Variants in FKBP9 observed in about 807,000 individuals in gnomAD.
FKBP9 encodes the protein peptidyl-prolyl cis-trans isomerase FKBP9.
In FKBP9, 27 loss-of-function variants were observed where a neutral mutation model predicts 55.6. That is an observed-to-expected ratio of 0.49 (90% confidence interval 0.36 to 0.67). The LOEUF is 0.67. FKBP9 is among the 30% of genes least tolerant of loss of function. The pLI is 0.00. For missense variants in FKBP9, 539 were observed against 742.8 expected (o/e 0.73, Z 3.19); for synonymous variants, 267 against 296.5 (o/e 0.90, Z 1.02).
chr7:32,982,182 G>A (rs1171980784), intron 5 of FKBP9, among the ~76,000 whole-genome samples: 1 of 151,734 alleles, frequency 6.6e-6, no homozygotes, highest in Non-Finnish European at 1.5e-5. Flanking sequence ...CACCACGCCT[G>A]GCTAATTTTT....
intron 5 of FKBP9, among the ~76,000 whole-genome samples, chr7:32,986,298 G>A (rs1166974738): frequency 2.6e-5 from 4 of 152,136 alleles, no homozygotes; most frequent in South Asian, 2.1e-4. Flanking sequence ...AGCAATCCCC[G>A]CTGTGGGTAC....
intron 5 of FKBP9, 128 bp downstream of exon 5, chr7:32,980,681 G>C (rs1261582120): frequency 6.4e-6 from 9 of 1,409,118 alleles, no homozygotes; most frequent in Middle Eastern, 2.1e-4. Flanking sequence ...TCTAATACAA[G>C]TTTCTGTTTT....
chr7:32,995,036 T>A (rs1784756896), intron 6 of FKBP9: 1 of 152,114 alleles, frequency 6.6e-6, no homozygotes, highest in Non-Finnish European at 1.5e-5. Context: ...AGTGGTGCAA[T>A]CCTAACTCAC....
In FKBP9 at chr7:32,968,078, G is replaced by T. The variant is rs1784181843; in HGVS notation, c.222-6539G>T. Among the ~76,000 whole-genome samples, 5 of 152,072 alleles carry T rather than the reference G, an allele frequency of 3.3e-5. No individual in the cohort carries two copies. In the South Asian group the frequency reaches 8.3e-4, roughly 25 times the overall value. ...CTTAGACAGAGTCTTTTGTTCTGTT[G>T]CCCAGGGTCGAGTGCAGTGGCATGA... On this transcript the variant is annotated intron_variant, in intron 1 of 9. Transcript: ENST00000242209.
chr7:32,971,468 CCTTTCTTCCTTT>C (rs1360165381), intron 1 of FKBP9, among the ~76,000 whole-genome samples: 5 of 151,848 alleles, frequency 3.3e-5, no homozygotes, highest in Non-Finnish European at 7.4e-5. Flanking sequence ...TTTCTTTCTT[CCTTTCTTCCTTT>C]CTTTCTTTCC....
At chr7:32,962,276 C>A (rs1784041263) in intron 1 of FKBP9, among the ~76,000 whole-genome samples, 1 of 152,080 alleles carries the variant, frequency 6.6e-6, no homozygotes, top group South Asian at 2.1e-4. Context: ...TGCCTGCAAT[C>A]CCAGCTACTC....
At chr7:32,995,832 C>T (rs947795632) in intron 6 of FKBP9, among the ~76,000 whole-genome samples, 2 of 152,176 alleles carry the variant, frequency 1.3e-5, no homozygotes, top group Non-Finnish European at 2.9e-5. Flanking sequence ...TGAGTTTCCT[C>T]ATCTGTGATC....
At chr7:32,970,459 G>A (rs1583845502) in intron 1 of FKBP9, among the ~76,000 whole-genome samples, 1 of 151,944 alleles carries the variant, frequency 6.6e-6, no homozygotes. Context: ...GCCTCCCAAA[G>A]TGCAGGGATT....
chr7:32,971,176 T>C (rs1784245916), intron 1 of FKBP9, among the ~76,000 whole-genome samples: 1 of 152,174 alleles, frequency 6.6e-6, no homozygotes, highest in African/African-American at 2.4e-5. Context: ...GTAATTTTCA[T>C]GACCAGTTCT....
intron 6 of FKBP9, among the ~76,000 whole-genome samples, chr7:32,993,555 T>G (rs992576100): frequency 6.6e-6 from 1 of 152,238 alleles, no homozygotes; most frequent in Non-Finnish European, 1.5e-5. Flanking sequence ...CTGGGCGCGG[T>G]GGCTCACGCC....
At chr7:32,965,704 A>G (rs1309733237) in intron 1 of FKBP9, among the ~76,000 whole-genome samples, 1 of 147,774 alleles carries the variant, frequency 6.8e-6, no homozygotes, top group Non-Finnish European at 1.5e-5. Flanking sequence ...AGGCTGAGAC[A>G]GGAGAATTGC....
intron 7 of FKBP9, among the ~76,000 whole-genome samples, chr7:32,996,936 A>T (rs1228282847): frequency 6.6e-6 from 1 of 150,562 alleles, no homozygotes; most frequent in African/African-American, 2.4e-5. Context: ...CTGGGACTAC[A>T]GGCACCCGCC....
chr7:32,960,262 C>CATA (rs1783995149), intron 1 of FKBP9, among the ~76,000 whole-genome samples: 1 of 151,870 alleles, frequency 6.6e-6, no homozygotes, highest in Admixed American at 6.6e-5. Flanking sequence ...TTACAGGTGC[C>CATA]TGCCACCACG....
intron 1 of FKBP9, among the ~76,000 whole-genome samples, chr7:32,959,925 C>A (rs1783987254): frequency 6.6e-6 from 1 of 151,854 alleles, no homozygotes; most frequent in East Asian, 1.9e-4. Context: ...TGTGGATGTA[C>A]CTTTTCCTTT....
At chr7:32,985,206 C>T (rs1490131594) in intron 5 of FKBP9, among the ~76,000 whole-genome samples, 8 of 148,322 alleles carry the variant, frequency 5.4e-5, no homozygotes, top group Non-Finnish European at 7.4e-5. Context: ...GACGGAGCCT[C>T]GCTTCTTTGC....
chr7:32,965,826 T>TATATATATGTGCACAC (rs1554284319), intron 1 of FKBP9, among the ~76,000 whole-genome samples: 1 of 33,296 alleles, frequency 3.0e-5, no homozygotes, highest in Non-Finnish European at 5.7e-5. Context: ...TATATATATA[T>TATATATATGTGCACAC]ATATATATAT....
chr7:32,972,984 A>C (rs1201402097), intron 1 of FKBP9, among the ~76,000 whole-genome samples: 1 of 152,124 alleles, frequency 6.6e-6, no homozygotes, highest in Non-Finnish European at 1.5e-5. Context: ...GGCCTCCCAA[A>C]GTGCTGAGAT....
chr7:32,986,204 G>C (rs1032762408), intron 5 of FKBP9, among the ~76,000 whole-genome samples: 1 of 152,092 alleles, frequency 6.6e-6, no homozygotes, highest in African/African-American at 2.4e-5. Flanking sequence ...CCAGACCATT[G>C]CTCTTCCCTT....
chr7:32,981,756 G>A lies in FKBP9; in HGVS notation c.893+1203G>A, dbSNP rs181504857. 3.8e-3 allele frequency among the ~76,000 whole-genome samples: 583 copies of A among 151,904 alleles called. 1 individual carries two copies. The highest frequency in any genetic ancestry group is 0.012 in the African/African-American group (514 of 41,444). On this transcript the variant is annotated intron_variant, in intron 5 of 9. Coordinates refer to ENST00000242209, the MANE Select transcript of FKBP9 (RefSeq NM_007270.5). Reference sequence around the variant, plus strand: ...AAGATATGTTGTAAATTAGCCAGGCGTGCACTGGCGGGTGCCTGTAATCCC... The same window carrying A: ...AAGATATGTTGTAAATTAGCCAGGCATGCACTGGCGGGTGCCTGTAATCCC...
Sources: allele counts gnomAD v4.1 joint callset (sites outside exome capture counted in the v4.1 genomes callset), GRCh38; gene constraint gnomAD v4.1.1; transcripts MANE v1.5; gene names NCBI Gene and HGNC (gene_info 2026-07-23, HGNC 2026-07-21).